THBS1: variants seen among roughly 807,000 people sequenced by gnomAD.
The protein encoded by THBS1 is thrombospondin-1.
In THBS1, 29 loss-of-function variants were observed where a neutral mutation model predicts 126.1. The ratio of observed to expected loss-of-function variants is 0.23; its 90% CI spans 0.17 to 0.31. THBS1 has a LOEUF of 0.31. THBS1 is among the 10% of genes least tolerant of loss of function. The pLI is 1.00. For synonymous variants in THBS1, 496 were observed against 577.8 expected (o/e 0.86, Z 2.03); for missense variants, 1,198 against 1,545.2 (o/e 0.78, Z 3.77).
intron 1 of THBS1, 158 bp from the exon 2 acceptor site, chr15:39,581,657 TCTCTCTCTCTCATG>T (rs1453230258): frequency 2.0e-6 from 1 of 491,512 alleles, no homozygotes; most frequent in South Asian, 3.6e-5. Flanking sequence ...TCTCTCTCTC[TCTCTCTCTCTCATG>T]CTCTCTGGAA....
At chr15:39,585,219 T>A (rs1210500128) in intron 6 of THBS1, among the ~76,000 whole-genome samples, 1 of 152,204 alleles carries the variant, frequency 6.6e-6, no homozygotes, top group Non-Finnish European at 1.5e-5. Flanking sequence ...GTACTGTAAC[T>A]TCCACCCTTG....
intron 13 of THBS1, 92 bp downstream of exon 13, chr15:39,590,115 C>A (rs1280746540): frequency 8.6e-7 from 1 of 1,163,282 alleles, no homozygotes; most frequent in Non-Finnish European, 1.2e-6. Context: ...AAAGTTTGGA[C>A]ATGAAACTGA....
At chr15:39,582,071 A>G in intron 2 of THBS1, 122 bp from the exon 3 acceptor site, 3 of 1,331,420 alleles carry the variant, frequency 2.3e-6, no homozygotes, top group Non-Finnish European at 3.1e-6. Context: ...GTATTTATTC[A>G]CCTCTTTCAG....
intron 3 of THBS1, 72 bp downstream of exon 3, chr15:39,582,824 G>A: frequency 1.4e-6 from 2 of 1,479,930 alleles, no homozygotes; most frequent in Non-Finnish European, 1.8e-6. Flanking sequence ...GAGGGCTACA[G>A]GAAATCCTGT....
intron 1 of THBS1, 186 bp from the exon 2 acceptor site, chr15:39,581,639 CCTCT>C (rs3138595): frequency 0.012 from 4,308 of 359,638 alleles, 6 homozygotes; most frequent in Middle Eastern, 0.016. Flanking sequence ...CTTTCCTCCA[CCTCT>C]CTCTCTCTCT....
intron 6 of THBS1, among the ~76,000 whole-genome samples, 160 bp downstream of exon 6, chr15:39,584,582 G>A (rs1001887799): frequency 6.6e-6 from 1 of 151,682 alleles, no homozygotes; most frequent in African/African-American, 2.4e-5. Flanking sequence ...GCATCTATAA[G>A]TTCTTCTTTA....
intron 14 of THBS1, chr15:39,590,946 ATGAAC>A: frequency 1.8e-6 from 1 of 557,886 alleles, no homozygotes; most frequent in Non-Finnish European, 3.1e-6. Flanking sequence ...TGGGCACACT[ATGAAC>A]TGAGATGATG....
Position 39,597,283 on chromosome 15 carries a change from T to G in THBS1, c.*1914T>G, listed in dbSNP as rs1424411243. ...GGTTTTTTCTTTTTTTTGTTTTGTT[T>G]TTTTTTTTTTTTTTTTTTGCTTTTG... On this transcript the variant is annotated 3_prime_UTR_variant, in exon 22 of 22. Transcript: ENST00000260356. The G allele has an allele frequency of 2.1e-5, 3 of 141,582 alleles. No individual in the cohort carries two copies. The highest frequency in any genetic ancestry group is 4.5e-5 in the Non-Finnish European group (3 of 66,510). The allele number at this position is 141,582 out of a possible 1,614,324, so 8.8% of individuals were successfully genotyped here. A position where few individuals can be genotyped will look rare whatever the true frequency, so the allele number is the denominator to read the frequency against.
At position 39,593,848 on chromosome 15, in the gene THBS1, G is replaced by A. The variant is rs894605124; in HGVS notation, c.3267+180G>A. 1.4e-5 allele frequency: 15 copies of A among 1,055,814 alleles called. 1 individual carries two copies. The highest frequency in any genetic ancestry group is 1.9e-5 in the Non-Finnish European group (14 of 748,418). The allele number at this position is 1,055,814 out of a possible 1,614,324, so 65.4% of individuals were successfully genotyped here. A position where few individuals can be genotyped will look rare whatever the true frequency, so the allele number is the denominator to read the frequency against. ...AGTGTTGAAAAGGGAGCTTGACCAAGAATTGCCCTGCAAATCCTAAGGTGC... is the reference window on the plus strand; with the variant it reads ...AGTGTTGAAAAGGGAGCTTGACCAAAAATTGCCCTGCAAATCCTAAGGTGC... On this transcript the variant is annotated intron_variant, in intron 19 of 21. Transcript: ENST00000260356. The surrounding 1 kb of genome is among the most constrained non-coding windows in gnomAD (Gnocchi z 5.9).
In THBS1 at chr15:39,584,296, T is replaced by C; in HGVS notation, c.904-4T>C. The C allele has an allele frequency of 9.9e-6, 16 of 1,614,192 alleles. No individual in the cohort carries two copies. The highest frequency in any genetic ancestry group is 1.4e-5 in the Non-Finnish European group (16 of 1,180,032). ...GGACACTAATGATATTCTCTCCCATTTAGACTGAAGAGAACAAAGAGTTGG... is the reference window on the plus strand; with the variant it reads ...GGACACTAATGATATTCTCTCCCATCTAGACTGAAGAGAACAAAGAGTTGG... On this transcript the variant is annotated splice_region_variant and splice_polypyrimidine_tract_variant and intron_variant, in intron 5 of 21. Transcript: ENST00000260356.
intron 7 of THBS1, chr15:39,587,060 T>A: frequency 4.2e-6 from 1 of 238,948 alleles, no homozygotes; most frequent in Non-Finnish European, 8.1e-6. Context: ...TGCTTAAAAT[T>A]TGCTAAGAGA....
intron 8 of THBS1, 26 bp from the exon 9 acceptor site, chr15:39,588,016 T>G (rs1400206862): frequency 1.2e-6 from 2 of 1,605,528 alleles, no homozygotes; most frequent in South Asian, 2.2e-5. Flanking sequence ...CCAAAACCAT[T>G]TGTGACCATC....
Position 39,593,780 on chromosome 15 carries a change from A to C in THBS1, c.3267+112A>C. On this transcript the variant is annotated intron_variant, in intron 19 of 21. Transcript: ENST00000260356. The surrounding 1 kb of genome is among the most constrained non-coding windows in gnomAD (Gnocchi z 5.9). Reference sequence around the variant, plus strand: ...CAGGGAGTCTTAGAAAGTTCCCAGCATCACCAGCTGCAGCATTGAACTCTG... The same window carrying C: ...CAGGGAGTCTTAGAAAGTTCCCAGCCTCACCAGCTGCAGCATTGAACTCTG... The C allele has an allele frequency of 2.1e-6, 3 of 1,435,098 alleles. No homozygotes were observed. Among genetic ancestry groups the C allele is most frequent in the Non-Finnish European group, 2.8e-6 (3 of 1,061,224 alleles). 88.9% of individuals were successfully genotyped at this position (1,435,098 alleles called of 1,614,324 possible). A position where few individuals can be genotyped will look rare whatever the true frequency, so the allele number is the denominator to read the frequency against.
At chr15:39,585,653 C>T in intron 7 of THBS1, 90 bp downstream of exon 7, 1 of 1,175,786 alleles carries the variant, frequency 8.5e-7, no homozygotes, top group Non-Finnish European at 1.2e-6. Context: ...TGGAACCCCA[C>T]CCCCATCTCC....
intron 9 of THBS1, 90 bp downstream of exon 9, chr15:39,588,308 C>A: frequency 6.8e-7 from 1 of 1,466,088 alleles, no homozygotes; most frequent in Non-Finnish European, 9.1e-7. Context: ...TTCAGTGGGT[C>A]ATAGAGCAGG....
rs1044338565 is a variant in THBS1 at position 39,589,243 on chromosome 15, G to C, written c.1815G>C (p.Glu605Asp). The part of the protein sequence containing the change: ...VPDACFNHNG[E>D]HRCENTDPGY... ...ATGCCTGCTTCAACCACAATGGAGA[G>C]CACCGGTGTGAGAACACGGACCCCG... is the stretch of plus-strand genomic sequence containing the variant. Residue 605 changes from glutamate (E) to aspartate (D), a missense_variant, in exon 12 of 22, where the codon GAG (glutamate) becomes GAC (aspartate). Around this residue, in one of 4 missense-constraint regions of THBS1, gnomAD observed 663 missense variants for 860.1 expected, o/e 0.77. Coordinates refer to ENST00000260356, the MANE Select transcript of THBS1 (RefSeq NM_003246.4). The surrounding 1 kb of genome is among the most constrained non-coding windows in gnomAD (Gnocchi z 4.7). 6.2e-7 allele frequency: 1 copy of C among 1,614,152 alleles called. No homozygotes were observed. Among genetic ancestry groups the C allele is most frequent in the Non-Finnish European group, 8.5e-7 (1 of 1,180,038 alleles).
In THBS1 at chr15:39,595,982, ACT is replaced by A. The variant is rs1272507505; in HGVS notation, c.*614_*615del. The A allele has an allele frequency of 2.5e-6, 1 of 400,920 alleles. No homozygotes were observed. The highest frequency in any genetic ancestry group is 2.7e-5 in the Admixed American group (1 of 37,322). 24.8% of individuals were successfully genotyped at this position (400,920 alleles called of 1,614,324 possible). A position where few individuals can be genotyped will look rare whatever the true frequency, so the allele number is the denominator to read the frequency against. Reference sequence around the variant, plus strand: ...AGCTGATTAACCCATGTAAATAGGCACTTAAATAGAAGCAGGAAAGGGAGACA... The same window carrying A: ...AGCTGATTAACCCATGTAAATAGGCATAAATAGAAGCAGGAAAGGGAGACA... On this transcript the variant is annotated 3_prime_UTR_variant, in exon 22 of 22. Coordinates refer to ENST00000260356, the MANE Select transcript of THBS1 (RefSeq NM_003246.4).
Position 39,584,199 on chromosome 15 carries a change from C to G in THBS1, c.903+12C>G, listed in dbSNP as rs199716466. The G allele has an allele frequency of 9.2e-5, 148 of 1,614,020 alleles. No individual in the cohort carries two copies. The highest frequency in any genetic ancestry group is 8.0e-4 in the Admixed American group (48 of 60,026). Reference sequence around the variant, plus strand: ...GCATCCGCAAAGTGGTCAGTGGCCTCTGCACCCAGCCCGTTAGCATGAACC... The same window carrying G: ...GCATCCGCAAAGTGGTCAGTGGCCTGTGCACCCAGCCCGTTAGCATGAACC... On this transcript the variant is annotated intron_variant, in intron 5 of 21. Transcript: ENST00000260356.
At position 39,590,605 on chromosome 15, in the gene THBS1, T is replaced by C. The variant is rs1168112349; in HGVS notation, c.2235T>C (p.Asp745=). 1 of 1,613,728 alleles carries C rather than the reference T, an allele frequency of 6.2e-7. No individual in the cohort carries two copies. The highest frequency in any genetic ancestry group is 1.3e-5 in the African/African-American group (1 of 74,916). The change falls in exon 14 of 22, where the codon GAT becomes GAC. Residue 745 remains aspartate, a synonymous_variant. Coordinates refer to ENST00000260356, the MANE Select transcript of THBS1 (RefSeq NM_003246.4). Reference sequence around the variant, plus strand: ...CCTGTGATGATGACGATGACAATGATAAAATTCCAGATGACAGGGTAAAAA... The same window carrying C: ...CCTGTGATGATGACGATGACAATGACAAAATTCCAGATGACAGGGTAAAAA... The part of the protein sequence containing the change: ...GDACDDDDDN[D]KIPDDRDNCP...
Sources: allele counts gnomAD v4.1 joint callset (sites outside exome capture counted in the v4.1 genomes callset), GRCh38; gene constraint gnomAD v4.1.1; regional missense constraint gnomAD v4.1.1; non-coding constraint Gnocchi (gnomAD v3.1); transcripts MANE v1.5; gene names NCBI Gene and HGNC (gene_info 2026-07-23, HGNC 2026-07-21).